Variants in GCM1 observed in about 807,000 individuals in gnomAD.
GCM1 encodes the protein chorion-specific transcription factor GCMa.
A neutral mutation model predicts 25.7 loss-of-function variants in GCM1; 2 were observed. The observed-to-expected ratio is 0.08, with a 90% CI of 0.03 to 0.24. GCM1 has a LOEUF of 0.24. Ranked by LOEUF, GCM1 falls within the 10% of genes least tolerant of loss-of-function variation. The probability of loss-of-function intolerance (pLI) is 1.00; values close to 1 mark genes in which losing one functional copy is unlikely to be tolerated. For missense variants in GCM1, 395 were observed against 538.7 expected (o/e 0.73, Z 2.64); for synonymous variants, 183 against 195.7 (o/e 0.94, Z 0.54).
In GCM1 at chr6:53,128,801, G is replaced by C; in HGVS notation, c.716C>G (p.Ser239Cys). 1 of 1,613,732 alleles carries C rather than the reference G, an allele frequency of 6.2e-7. No individual in the cohort carries two copies. Among genetic ancestry groups the C allele is most frequent in the African/African-American group, 1.3e-5 (1 of 75,010 alleles). ...QNSLNDCFSF[S>C]KSYGLGGITD... is the part of the protein sequence containing the mutation. Reference sequence around the variant, plus strand: ...GATTCCTCCCAGACCATAACTCTTGGAGAAGGAAAAGCAATCATTTAGTGA... The same window carrying C: ...GATTCCTCCCAGACCATAACTCTTGCAGAAGGAAAAGCAATCATTTAGTGA... Residue 239 changes from serine (S) to cysteine (C), a missense_variant, in exon 6 of 6, where the codon TCC (serine) becomes TGC (cysteine). Transcript: ENST00000259803.
At chr6:53,141,769 C>T (rs774444880) in intron 2 of GCM1, among the ~76,000 whole-genome samples, 1 of 151,124 alleles carries the variant, frequency 6.6e-6, no homozygotes, top group Non-Finnish European at 1.5e-5. Context: ...TTTGGGAGGC[C>T]AAGGTGGGCA....
At chr6:53,147,425 GTTTTTTTT>G (rs70980807) in intron 1 of GCM1, among the ~76,000 whole-genome samples, 1 of 93,574 alleles carries the variant, frequency 1.1e-5, no homozygotes, top group Non-Finnish European at 2.1e-5. Context: ...AGTTTTTATT[GTTTTTTTT>G]TTTTTTTTTT....
intron 2 of GCM1, among the ~76,000 whole-genome samples, chr6:53,142,041 A>AAAAAG (rs1763882372): frequency 9.0e-6 from 1 of 110,776 alleles, no homozygotes; most frequent in African/African-American, 3.9e-5. Flanking sequence ...AAAAAAAAAA[A>AAAAAG]CAGAAAGAAA....
Position 53,128,552 on chromosome 6 carries a change from C to G in GCM1, c.965G>C (p.Ser322Thr), listed in dbSNP as rs961931855. The part of the protein sequence containing the change: ...CYSNYPFPLT[S>T]WPCSFSPSQN... The stretch of plus-strand genomic sequence containing the variant: ...GGAAGGAGAGAAGCTGCAAGGCCAG[C>G]TGGTCAGAGGAAAAGGATAATTGGA... Residue 322 changes from serine (S) to threonine (T), a missense_variant, in exon 6 of 6, where the codon AGC becomes ACC. By Grantham distance (58) the Ser-to-Thr change is moderately conservative. Coordinates refer to ENST00000259803, the MANE Select transcript of GCM1 (RefSeq NM_003643.4). The G allele has an allele frequency of 1.9e-5, 31 of 1,613,932 alleles. No individual in the cohort carries two copies. The highest frequency in any genetic ancestry group is 2.5e-5 in the Non-Finnish European group (30 of 1,179,984).
rs10629921 is a variant in GCM1 at position 53,140,530 on chromosome 6, CAA to C, written c.75+5026_75+5027del. Among the ~76,000 whole-genome samples the C allele has an allele frequency of 8.1e-4, 104 of 128,552 alleles. 1 individual carries two copies. The highest frequency in any genetic ancestry group is 4.1e-3 in the Middle Eastern group (1 of 244). The allele number at this position is 128,552 out of a possible 152,430, so 84.3% of individuals were successfully genotyped here. On this transcript the variant is annotated intron_variant, in intron 2 of 5. Transcript: ENST00000259803. Reference sequence around the variant, plus strand: ...CTATACTAGAGAATGTTCTCTCTACCAAAAAAAAAAAAAAAAAGTACTTAAAC... The same window carrying C: ...CTATACTAGAGAATGTTCTCTCTACCAAAAAAAAAAAAAAAGTACTTAAAC...
chr6:53,129,453 C>G (rs1206547635), intron 5 of GCM1, among the ~76,000 whole-genome samples: 1 of 151,822 alleles, frequency 6.6e-6, no homozygotes, highest in East Asian at 1.9e-4. Flanking sequence ...TTTGTATTTT[C>G]AGTAGAGATG....
At chr6:53,135,126 T>C (rs9474397) in intron 2 of GCM1, among the ~76,000 whole-genome samples, 13,832 of 152,244 alleles carry the variant, frequency 0.091, 772 homozygotes, top group East Asian at 0.29. Context: ...GACTAAACTC[T>C]CCTTTAAAAC....
At chr6:53,147,731 T>C (rs1042842511) in intron 1 of GCM1, among the ~76,000 whole-genome samples, 1 of 152,064 alleles carries the variant, frequency 6.6e-6, no homozygotes, top group South Asian at 2.1e-4. Flanking sequence ...GCCCGGCCTG[T>C]TCTTTAGTTA....
At position 53,128,734 on chromosome 6, in the gene GCM1, C is replaced by G. The variant is rs146630061; in HGVS notation, c.783G>C (p.Lys261Asn). The G allele has an allele frequency of 1.9e-5, 31 of 1,613,838 alleles. No individual in the cohort carries two copies. The highest frequency in any genetic ancestry group is 2.5e-5 in the Non-Finnish European group (30 of 1,179,848). ...TDQTSTVDPM[K>N]LYEKRKLSSS... is the part of the protein sequence containing the mutation. ...TGGACAATTTGCGCTTTTCATAGAG[C>G]TTCATGGGGTCCACAGTGGAAGTCT... Residue 261 changes from lysine (K) to asparagine (N), a missense_variant, in exon 6 of 6, where the codon AAG becomes AAC. Physicochemically the swap from Lys to Asn is moderately conservative, Grantham distance 94. Coordinates refer to ENST00000259803, the MANE Select transcript of GCM1 (RefSeq NM_003643.4).
rs761753901 is a variant in GCM1 at position 53,145,626 on chromosome 6, G to A, written c.7C>T (p.Pro3Ser). The A allele has an allele frequency of 1.9e-6, 3 of 1,592,920 alleles. No individual in the cohort carries two copies. Among genetic ancestry groups the A allele is most frequent in the African/African-American group, 1.3e-5 (1 of 74,446 alleles). ...TTGTCTTCAGAATCAAAGTCGTCAG[G>A]TTCCATGATAAGGTCAGGCCAGCCA... ME[P>S]DDFDSEDKEI... Residue 3 changes from proline (P) to serine (S), a missense_variant, in exon 2 of 6, where the codon CCT becomes TCT. Pro to Ser is a moderately conservative substitution (Grantham distance 74). Transcript: ENST00000259803.
intron 2 of GCM1, among the ~76,000 whole-genome samples, chr6:53,143,505 A>C (rs890024030): frequency 6.6e-6 from 1 of 152,208 alleles, no homozygotes; most frequent in Non-Finnish European, 1.5e-5. Context: ...AGTCTTCTAC[A>C]TATCTGTTTA....
chr6:53,134,863 C>T (rs2127508872), intron 2 of GCM1, among the ~76,000 whole-genome samples: 1 of 152,268 alleles, frequency 6.6e-6, no homozygotes, highest in East Asian at 1.9e-4. Context: ...TGTCTCGTAC[C>T]ACTCTGTGGT....
Position 53,128,410 on chromosome 6 carries a change from A to T in GCM1, c.1107T>A (p.His369Gln), listed in dbSNP as rs367768924. The part of the protein sequence containing the change: ...PAGNLYEEKV[H>Q]VDFNSYVQSP... Reference sequence around the variant, plus strand: ...ACTGGACGTAGCTGTTAAAATCCACATGTACTTTCTCTTCATAAAGATTAC... The same window carrying T: ...ACTGGACGTAGCTGTTAAAATCCACTTGTACTTTCTCTTCATAAAGATTAC... The change falls in exon 6 of 6, where the codon CAT becomes CAA. Residue 369 changes from histidine to glutamine, a missense_variant. Coordinates refer to ENST00000259803, the MANE Select transcript of GCM1 (RefSeq NM_003643.4). 1 of 1,613,714 alleles carries T rather than the reference A, an allele frequency of 6.2e-7. No individual in the cohort carries two copies. Among genetic ancestry groups the T allele is most frequent in the South Asian group, 1.1e-5 (1 of 91,082 alleles).
intron 3 of GCM1, 148 bp from the exon 4 acceptor site, chr6:53,132,267 T>C: frequency 1.6e-6 from 1 of 636,246 alleles, no homozygotes; most frequent in South Asian, 1.8e-5. Flanking sequence ...CACTAGATAT[T>C]ACCCCTGACC....
chr6:53,131,900 T>G (rs1581849515), intron 4 of GCM1, 107 bp downstream of exon 4: 1 of 731,518 alleles, frequency 1.4e-6, no homozygotes, highest in East Asian at 2.6e-5. Context: ...TCTCTTAGAG[T>G]GTGAGCCCTC....
At chr6:53,145,808 AT>A (rs1217717514) in intron 1 of GCM1, 40 bp from the exon 2 acceptor site, 1 of 499,520 alleles carries the variant, frequency 2.0e-6, no homozygotes, top group Non-Finnish European at 3.4e-6. Flanking sequence ...CATTAAAGAG[AT>A]TTAAAAAAAA....
At position 53,134,342 on chromosome 6, in the gene GCM1, G is replaced by T. The variant is rs758532510; in HGVS notation, c.76-18C>A. On this transcript the variant is annotated intron_variant, in intron 2 of 5. Coordinates refer to ENST00000259803, the MANE Select transcript of GCM1 (RefSeq NM_003643.4). ...TTCACGTTCTGATAGAAACACAAAA[G>T]ATACGACTATACTTTAAGCTAGAAA... 9.3e-6 allele frequency: 15 copies of T among 1,607,768 alleles called. No individual in the cohort carries two copies. Among genetic ancestry groups the T allele is most frequent in the Admixed American group, 5.0e-5 (3 of 59,906 alleles).
rs200105502 is a variant in GCM1, at chr6:53,146,216, A to T, written c.-136-448T>A. Reference sequence around the variant, plus strand: ...GTTTTATATATATATATATATATATATTTTTTTTTTTTTTTTTTTTTGAGA... The same window carrying T: ...GTTTTATATATATATATATATATATTTTTTTTTTTTTTTTTTTTTTTGAGA... On this transcript the variant is annotated intron_variant, in intron 1 of 5. Coordinates refer to ENST00000259803, the MANE Select transcript of GCM1 (RefSeq NM_003643.4). Among the ~76,000 whole-genome samples, 412 of 101,336 alleles carry T rather than the reference A, an allele frequency of 4.1e-3. 5 individuals are homozygous for T. The highest frequency in any genetic ancestry group is 5.1e-3 in the Non-Finnish European group (244 of 47,642). The allele number at this position is 101,336 out of a possible 152,430, so 66.5% of individuals were successfully genotyped here.
chr6:53,146,618 C>G (rs534329253), intron 1 of GCM1, among the ~76,000 whole-genome samples: 1 of 152,322 alleles, frequency 6.6e-6, no homozygotes, highest in African/African-American at 2.4e-5. Flanking sequence ...ATATTATCAA[C>G]TAATATGCTT....
Sources: allele counts gnomAD v4.1 joint callset (sites outside exome capture counted in the v4.1 genomes callset), GRCh38; gene constraint gnomAD v4.1.1; transcripts MANE v1.5; gene names NCBI Gene and HGNC (gene_info 2026-07-23, HGNC 2026-07-21).